Variants in DLL3 observed in about 807,000 individuals in gnomAD.
DLL3 encodes delta like canonical Notch ligand 3.
In DLL3, 49 loss-of-function variants were observed where a neutral mutation model predicts 55.0. The observed-to-expected ratio is 0.89, with a 90% CI of 0.71 to 1.13. The LOEUF (loss-of-function observed/expected upper bound fraction) is 1.13. Among genes scored for constraint, DLL3 ranks in the 50% most tolerant of loss-of-function variants. The pLI, the probability that DLL3 is intolerant of heterozygous loss-of-function variation, is 0.00. For missense variants in DLL3, 962 were observed against 875.5 expected (o/e 1.10, Z -1.25); for synonymous variants, 421 against 385.2 (o/e 1.09, Z -1.09).
rs139504157 is a variant in DLL3, at chr19:39,501,528, C to T, written c.409+856C>T. Among the ~76,000 whole-genome samples the T allele has an allele frequency of 6.7e-3, 1,017 of 151,606 alleles. 14 individuals carry two copies. Among genetic ancestry groups the T allele is most frequent in the African/African-American group, 0.023 (967 of 41,288 alleles). ...ATGGACATGGGATCTTGCTATGTTG[C>T]CCAGGCTGGTCTCAAACTCCTAGGC... On this transcript the variant is annotated intron_variant, in intron 3 of 8. Coordinates refer to ENST00000356433, the MANE Select transcript of DLL3 (RefSeq NM_203486.3).
At chr19:39,506,959 G>C in intron 6 of DLL3, 80 bp from the exon 7 acceptor site, 1 of 1,437,694 alleles carries the variant, frequency 7.0e-7, no homozygotes, top group Non-Finnish European at 9.4e-7. Flanking sequence ...CCCGTGCAGC[G>C]ATGACAGAGC....
At chr19:39,500,519 G>C in intron 2 of DLL3, 96 bp from the exon 3 acceptor site, 1 of 1,122,510 alleles carries the variant, frequency 8.9e-7, no homozygotes, top group South Asian at 1.2e-5. Flanking sequence ...CCCAGCAATG[G>C]CCATCACCCT....
Position 39,507,264 on chromosome 19 carries a change from A to C in DLL3, c.1319A>C (p.His440Pro), listed in dbSNP as rs780000990. The change falls in exon 7 of 9, where the codon CAC becomes CCC. Residue 440 changes from histidine to proline, a missense_variant. His to Pro is a moderately conservative substitution (Grantham distance 77, BLOSUM62 -2). Coordinates refer to ENST00000356433, the MANE Select transcript of DLL3 (RefSeq NM_203486.3). ...ADPCAARPCAHGGRCYAHFSG... is the reference protein window; with the variant it reads ...ADPCAARPCAPGGRCYAHFSG... ...CCGTGCGCCGCGCGCCCCTGTGCTC[A>C]CGGCGGCCGCTGCTACGCCCACTTC... The C allele has an allele frequency of 1.3e-6, 2 of 1,529,532 alleles. No homozygotes were observed. The highest frequency in any genetic ancestry group is 1.7e-6 in the Non-Finnish European group (2 of 1,144,624). 94.7% of individuals were successfully genotyped at this position (1,529,532 alleles called of 1,614,324 possible).
At position 39,505,209 on chromosome 19, in the gene DLL3, G is replaced by C. The variant is rs753375994; in HGVS notation, c.871-20G>C. On this transcript the variant is annotated intron_variant, in intron 5 of 8. Transcript: ENST00000356433. ...TTCTCCAAGGAAACACCCTTCTCAA[G>C]TACTCTTGTCCCTGCCCAGGAGACA... The C allele has an allele frequency of 1.2e-6, 2 of 1,612,632 alleles. No individual in the cohort carries two copies. Among genetic ancestry groups the C allele is most frequent in the Non-Finnish European group, 1.7e-6 (2 of 1,179,268 alleles).
intron 2 of DLL3, among the ~76,000 whole-genome samples, chr19:39,500,273 A>AAC (rs2079601881): frequency 6.6e-6 from 1 of 151,806 alleles, no homozygotes; most frequent in Non-Finnish European, 1.5e-5. Flanking sequence ...AAAAAAAAAA[A>AAC]AAAAACATAG....
intron 1 of DLL3, 60 bp from the exon 2 acceptor site, chr19:39,499,132 G>T: frequency 1.2e-6 from 2 of 1,609,830 alleles, no homozygotes; most frequent in African/African-American, 1.3e-5. Flanking sequence ...AAGGAGCGTG[G>T]GGCGGACGGG....
At chr19:39,505,484 G>A in intron 6 of DLL3, 33 bp downstream of exon 6, 1 of 1,611,270 alleles carries the variant, frequency 6.2e-7, no homozygotes, top group Non-Finnish European at 8.5e-7. Flanking sequence ...GCGAGGGATG[G>A]GGTGGGGGTC....
chr19:39,508,366 TGGG>T lies in DLL3; in HGVS notation c.*112_*114del. 1 of 1,275,314 alleles carries T rather than the reference TGGG, an allele frequency of 7.8e-7. No homozygotes were observed. The highest frequency in any genetic ancestry group is 1.2e-5 in the South Asian group (1 of 83,930). The allele number at this position is 1,275,314 out of a possible 1,614,324, so 79.0% of individuals were successfully genotyped here. A position where few individuals can be genotyped will look rare whatever the true frequency, so the allele number is the denominator to read the frequency against. ...TGGAGTTCAATCTTGAAGGGGTGTC[TGGG>T]GGAACTTTACTGTTGCAAGTTGTAA... is the stretch of plus-strand genomic sequence containing the variant. On this transcript the variant is annotated 3_prime_UTR_variant, in exon 9 of 9. Coordinates refer to ENST00000356433, the MANE Select transcript of DLL3 (RefSeq NM_203486.3).
rs751216323 is a variant in DLL3, at chr19:39,507,411, A to G, written c.1466A>G (p.Gln489Arg). The G allele has an allele frequency of 1.3e-6, 2 of 1,588,016 alleles. No homozygotes were observed. The highest frequency in any genetic ancestry group is 1.1e-5 in the South Asian group (1 of 88,008). ...APPGLRPGDPQRYLLPPALGL... is the reference protein window; with the variant it reads ...APPGLRPGDPRRYLLPPALGL... ...CCGGGCCTCAGGCCCGGGGACCCTC[A>G]GCGCTACCTTTTGCCTCCGGCTCTG... The change falls in exon 7 of 9, where the codon CAG (glutamine) becomes CGG (arginine). Residue 489 changes from glutamine to arginine, a missense_variant. Coordinates refer to ENST00000356433, the MANE Select transcript of DLL3 (RefSeq NM_203486.3).
chr19:39,499,785 A>T (rs1486171785), intron 2 of DLL3, among the ~76,000 whole-genome samples: 1 of 151,048 alleles, frequency 6.6e-6, no homozygotes, highest in Non-Finnish European at 1.5e-5. Context: ...ATCCCTAAAA[A>T]CTGTGGTCCT....
intron 6 of DLL3, chr19:39,505,764 G>T (rs146065522): frequency 2.6e-6 from 1 of 386,846 alleles, no homozygotes; most frequent in Non-Finnish European, 4.9e-6. Context: ...AGGGAAGCCA[G>T]TGTGGTTATA....
chr19:39,500,327 G>T (rs545106621), intron 2 of DLL3, among the ~76,000 whole-genome samples: 1 of 151,758 alleles, frequency 6.6e-6, no homozygotes, highest in South Asian at 2.1e-4. Context: ...TACTGGGGAG[G>T]CTGAGGTGGG....
In DLL3 at chr19:39,507,175, C is replaced by A. The variant is rs915496489; in HGVS notation, c.1230C>A (p.Gly410=). ...CANGGTCVEG[G]GAHRCSCALG... ...ACGGCGGCACGTGTGTGGAGGGCGG[C>A]GGCGCGCACCGCTGCTCCTGCGCGC... The change falls in exon 7 of 9, where the codon GGC becomes GGA. Residue 410 remains glycine, a synonymous_variant. Transcript: ENST00000356433. The A allele has an allele frequency of 3.7e-6, 5 of 1,358,098 alleles. No individual in the cohort carries two copies. In the African/African-American group the frequency reaches 7.7e-5, roughly 21 times the overall value. The allele number at this position is 1,358,098 out of a possible 1,614,324, so 84.1% of individuals were successfully genotyped here. A position where few individuals can be genotyped will look rare whatever the true frequency, so the allele number is the denominator to read the frequency against.
rs979803867 is a variant in DLL3, at chr19:39,507,547, G to C, written c.1602G>C (p.Glu534Asp). 6.2e-7 allele frequency: 1 copy of C among 1,606,750 alleles called. No homozygotes were observed. The highest frequency in any genetic ancestry group is 8.5e-7 in the Non-Finnish European group (1 of 1,177,458). ...AGSRLLAGTP[E>D]PSVHALPDAL... The stretch of plus-strand genomic sequence containing the variant: ...CTCGCTTGCTGGCTGGGACCCCGGA[G>C]CCGTCAGTCCACGCACTCCCGGATG... Residue 534 changes from glutamate to aspartate, a missense_variant, in exon 7 of 9, where the codon GAG (glutamate) becomes GAC (aspartate). Physicochemically the swap from Glu to Asp is conservative, Grantham distance 45 (BLOSUM62 2). Coordinates refer to ENST00000356433, the MANE Select transcript of DLL3 (RefSeq NM_203486.3).
At chr19:39,506,928 A>T in intron 6 of DLL3, 111 bp from the exon 7 acceptor site, 1 of 1,170,762 alleles carries the variant, frequency 8.5e-7, no homozygotes, top group Non-Finnish European at 1.2e-6. Flanking sequence ...CTGGCCCTTA[A>T]GTTAGAGAGA....
At chr19:39,504,322 G>T (rs950904599) in intron 5 of DLL3, 34 bp downstream of exon 5, 1 of 1,606,808 alleles carries the variant, frequency 6.2e-7, no homozygotes, top group Non-Finnish European at 8.5e-7. Flanking sequence ...GTCCTGCTTA[G>T]TACTTTACCC....
chr19:39,499,852 CTCTT>C lies in DLL3; in HGVS notation c.351+381_351+384del, dbSNP rs1370943184. Reference sequence around the variant, plus strand: ...CTTGGGGACCACTAATATCTTCTCTCTCTTTTTTTTTTTTTTTCTGTCCTCAGTT... The same window carrying C: ...CTTGGGGACCACTAATATCTTCTCTCTTTTTTTTTTTTTCTGTCCTCAGTT... On this transcript the variant is annotated intron_variant, in intron 2 of 8. Transcript: ENST00000356433. Among the ~76,000 whole-genome samples the C allele has an allele frequency of 6.8e-4, 99 of 145,328 alleles. 2 individuals carry two copies. Among genetic ancestry groups the C allele is most frequent in the Middle Eastern group, 3.5e-3 (1 of 288 alleles).
chr19:39,498,962 C>G lies in DLL3; in HGVS notation c.-13C>G. On this transcript the variant is annotated 5_prime_UTR_variant, in exon 1 of 9. Coordinates refer to ENST00000356433, the MANE Select transcript of DLL3 (RefSeq NM_203486.3). Reference sequence around the variant, plus strand: ...AGCAGCTGCGACTCCCGAGACCCCCCCACCAGAAGGCCATGGTCTCCCCAC... The same window carrying G: ...AGCAGCTGCGACTCCCGAGACCCCCGCACCAGAAGGCCATGGTCTCCCCAC... The G allele has an allele frequency of 6.2e-7, 1 of 1,614,014 alleles. No homozygotes were observed. The highest frequency in any genetic ancestry group is 8.5e-7 in the Non-Finnish European group (1 of 1,180,008).
intron 8 of DLL3, 133 bp from the exon 9 acceptor site, chr19:39,508,117 CTT>C: frequency 4.3e-6 from 7 of 1,612,416 alleles, no homozygotes; most frequent in Non-Finnish European, 5.1e-6. Context: ...GCCATCTTCT[CTT>C]TGAAAAACCT....
Sources: allele counts gnomAD v4.1 joint callset (sites outside exome capture counted in the v4.1 genomes callset), GRCh38; gene constraint gnomAD v4.1.1; transcripts MANE v1.5; gene names NCBI Gene and HGNC (gene_info 2026-07-23, HGNC 2026-07-21).